The following HNRNPM variants were observed in gnomAD, a reference collection of about 807,000 sequenced individuals.
HNRNPM encodes heterogeneous nuclear ribonucleoprotein M, also known as CEA receptor.
A neutral mutation model predicts 73.1 loss-of-function variants in HNRNPM; 11 were observed. That is an observed-to-expected ratio of 0.15 (90% CI 0.09 to 0.25). The LOEUF (loss-of-function observed/expected upper bound fraction) is 0.25. Among genes scored for constraint, HNRNPM ranks in the 10% least tolerant of loss-of-function variants. The probability of loss-of-function intolerance (pLI) is 1.00; values close to 1 mark genes in which losing one functional copy is unlikely to be tolerated. For missense variants in HNRNPM, 789 were observed against 1,067.9 expected, an observed-to-expected ratio of 0.74 and a Z score of 3.64; for synonymous variants, 407 against 355.2, an observed-to-expected ratio of 1.15 and a Z score of -1.64.
intron 1 of HNRNPM, among the ~76,000 whole-genome samples, chr19:8,452,070 G>A (rs1444675881): frequency 6.6e-6 from 1 of 152,164 alleles, no homozygotes; most frequent in African/African-American, 2.4e-5. Context: ...TTTCTCAATG[G>A]TGAGTCATGT....
At chr19:8,456,453 A>G (rs556881067) in intron 2 of HNRNPM, among the ~76,000 whole-genome samples, 1 of 152,196 alleles carries the variant, frequency 6.6e-6, no homozygotes, top group African/African-American at 2.4e-5. Context: ...CAATTTGTAT[A>G]TTGCCTTGAG....
chr19:8,485,064 C>T (rs1030495962), intron 13 of HNRNPM, among the ~76,000 whole-genome samples: 2 of 151,668 alleles, frequency 1.3e-5, no homozygotes, highest in African/African-American at 2.4e-5. Context: ...ATGGTGTGGC[C>T]GAAAATCCTT....
At position 8,475,157 on chromosome 19, in the gene HNRNPM, G is replaced by C. The variant is rs148332199; in HGVS notation, c.1120+913G>C. On this transcript the variant is annotated intron_variant, in intron 12 of 15. Transcript: ENST00000325495. ...GAGGCACAGAGAGTGACATGCCTAG[G>C]TCAAGTGACTGGTAAACAGTGGTGC... Among the ~76,000 whole-genome samples the C allele has an allele frequency of 9.2e-5, 14 of 152,310 alleles. No individual in the cohort carries two copies. The East Asian group carries it at 2.5e-3, about 27-fold the overall frequency.
In HNRNPM at chr19:8,462,950, G is replaced by A. The variant is rs1969495034; in HGVS notation, c.336+369G>A. ...TGTCTAGAAAATGTTACTCTTGGTT[G>A]TTTGCTGAATTTGAAAGTTGTGTGA... On this transcript the variant is annotated intron_variant, in intron 3 of 15. Coordinates refer to ENST00000325495, the MANE Select transcript of HNRNPM (RefSeq NM_005968.5). The surrounding 1 kb of genome is among the most constrained non-coding windows in gnomAD (Gnocchi z 4.5). Among the ~76,000 whole-genome samples, 1 of 152,180 alleles carries A rather than the reference G, an allele frequency of 6.6e-6. No individual in the cohort carries two copies. Among genetic ancestry groups the A allele is most frequent in the Non-Finnish European group, 1.5e-5 (1 of 68,032 alleles).
intron 12 of HNRNPM, among the ~76,000 whole-genome samples, chr19:8,481,886 C>T (rs115929103): frequency 6.6e-6 from 1 of 151,984 alleles, no homozygotes; most frequent in African/African-American, 2.4e-5. Flanking sequence ...ACTTTCCCAC[C>T]TTGTCCCACA....
At chr19:8,464,011 C>G (rs1456683133) in intron 5 of HNRNPM, among the ~76,000 whole-genome samples, 2 of 152,172 alleles carry the variant, frequency 1.3e-5, no homozygotes, top group Admixed American at 6.5e-5. Flanking sequence ...TTCTTCTTGG[C>G]CCATCTTTTT....
chr19:8,477,271 G>A (rs1469687860), intron 12 of HNRNPM, among the ~76,000 whole-genome samples: 5 of 152,166 alleles, frequency 3.3e-5, no homozygotes, highest in Non-Finnish European at 7.3e-5. Context: ...CACAAGGAAA[G>A]AAGTGGCCAG....
At chr19:8,471,562 C>T (rs894739926) in intron 10 of HNRNPM, 135 bp downstream of exon 10, 1 of 453,152 alleles carries the variant, frequency 2.2e-6, no homozygotes, top group African/African-American at 2.0e-5. Context: ...TTCATCTCTG[C>T]CTCATTTTGA....
At chr19:8,450,186 A>G (rs1968507021) in intron 1 of HNRNPM, among the ~76,000 whole-genome samples, 1 of 152,178 alleles carries the variant, frequency 6.6e-6, no homozygotes, top group South Asian at 2.1e-4. Context: ...ATCACTTTAT[A>G]TAAGGGATGG....
chr19:8,450,007 A>G (rs1176452423), intron 1 of HNRNPM, among the ~76,000 whole-genome samples: 1 of 152,178 alleles, frequency 6.6e-6, no homozygotes, highest in Non-Finnish European at 1.5e-5. Flanking sequence ...CTGAGCTACC[A>G]TGCATACAGG....
chr19:8,468,783 G>C lies in HNRNPM; in HGVS notation c.844G>C (p.Ala282Pro). Residue 282 changes from alanine (A) to proline (P), a missense_variant, in exon 9 of 16, where the codon GCC becomes CCC. Physicochemically the swap from Ala to Pro is conservative, Grantham distance 27 (BLOSUM62 -1). Transcript: ENST00000325495. ...RPMHVKMDER[A>P]LPKGDFFPPE... ...TTTCTTTCTCTTTCAGGATGAGAGGGCCTTACCAAAAGGAGATTTCTTCCC... is the reference window on the plus strand; with the variant it reads ...TTTCTTTCTCTTTCAGGATGAGAGGCCCTTACCAAAAGGAGATTTCTTCCC... The C allele has an allele frequency of 3.7e-6, 6 of 1,613,550 alleles. No individual in the cohort carries two copies. Among genetic ancestry groups the C allele is most frequent in the Non-Finnish European group, 5.1e-6 (6 of 1,179,486 alleles).
At chr19:8,463,790 A>G (rs1299137914) in intron 5 of HNRNPM, 104 bp downstream of exon 5, 2 of 738,850 alleles carry the variant, frequency 2.7e-6, no homozygotes, top group Non-Finnish European at 4.6e-6. Flanking sequence ...TTTACAAAGC[A>G]AGTGCCAGCC....
chr19:8,488,456 TC>T (rs376112786), intron 15 of HNRNPM: 402 of 440,436 alleles, frequency 9.1e-4, no homozygotes, highest in African/African-American at 7.0e-3. Context: ...TTTTTGAACT[TC>T]CTGAAGCGTA....
chr19:8,476,964 G>A (rs1164888043), intron 12 of HNRNPM, among the ~76,000 whole-genome samples: 4 of 150,140 alleles, frequency 2.7e-5, no homozygotes, highest in Non-Finnish European at 4.4e-5. Context: ...AGGTCACTTG[G>A]GTTAATTCAA....
intron 15 of HNRNPM, chr19:8,487,283 C>T (rs12608524): frequency 0.95 from 555,623 of 587,182 alleles, 265,658 homozygotes; most frequent in East Asian, 0.99. Flanking sequence ...TTCATCCTTA[C>T]TTCCTTTTTT....
intron 1 of HNRNPM, among the ~76,000 whole-genome samples, chr19:8,451,265 A>G (rs755428488): frequency 2.0e-5 from 3 of 150,802 alleles, no homozygotes; most frequent in Non-Finnish European, 4.4e-5. Flanking sequence ...CTGGTCTTGA[A>G]CTCCTGACCT....
chr19:8,458,563 A>G (rs748245801), intron 2 of HNRNPM, among the ~76,000 whole-genome samples: 2 of 152,246 alleles, frequency 1.3e-5, no homozygotes, highest in South Asian at 4.1e-4. Context: ...CCACCAGAGC[A>G]GGACTGAGCT....
intron 12 of HNRNPM, chr19:8,482,923 C>T (rs80194898): frequency 2.6e-4 from 132 of 503,544 alleles, no homozygotes; most frequent in Non-Finnish European, 4.2e-4. Flanking sequence ...CAGGTGACCC[C>T]GCACGCTGGG....
chr19:8,459,842 T>C (rs1030504586), intron 2 of HNRNPM, among the ~76,000 whole-genome samples: 11 of 152,346 alleles, frequency 7.2e-5, no homozygotes, highest in Admixed American at 1.3e-4. Context: ...ACTTAAATGT[T>C]GGTCAAAAAT....
Sources: gnomAD v4.1 joint callset for allele counts (sites outside exome capture counted in the v4.1 genomes callset) on GRCh38, gnomAD v4.1.1 for gene constraint, Gnocchi (gnomAD v3.1) non-coding constraint, MANE v1.5 for transcripts, NCBI Gene and HGNC (gene_info 2026-07-23, HGNC 2026-07-21) for gene names.